The following TENM4 variants were observed in gnomAD, a reference collection of about 807,000 sequenced individuals.
TENM4 encodes the protein teneurin-4.
A neutral mutation model predicts 243.3 loss-of-function variants in TENM4; 82 were observed. The observed-to-expected ratio is 0.34, with a 90% CI of 0.28 to 0.40. TENM4 has a LOEUF of 0.40. Ranked by LOEUF, TENM4 falls within the 10% of genes least tolerant of loss-of-function variation. The pLI is 1.00. For synonymous variants in TENM4, 1,412 were observed against 1,456.3 expected (o/e 0.97, Z 0.69); for missense variants, 3,138 against 3,673.3 (o/e 0.85, Z 3.77).
intron 4 of TENM4, among the ~76,000 whole-genome samples, chr11:79,094,602 C>T (rs1482024690): frequency 2.0e-5 from 3 of 152,188 alleles, no homozygotes; most frequent in African/African-American, 4.8e-5. Context: ...ATTGTCCACA[C>T]AGGCCCAGAG....
intron 6 of TENM4, among the ~76,000 whole-genome samples, chr11:79,006,974 G>A (rs1019918210): frequency 2.0e-5 from 3 of 152,168 alleles, no homozygotes; most frequent in Non-Finnish European, 4.4e-5. Context: ...CATTCACTCA[G>A]TTGAAGGCCT....
intron 6 of TENM4, among the ~76,000 whole-genome samples, chr11:79,054,605 A>T (rs1171980395): frequency 6.6e-6 from 1 of 151,628 alleles, no homozygotes; most frequent in Non-Finnish European, 1.5e-5. Context: ...CCCCTACCTC[A>T]GTCTTCTGAG....
At chr11:78,899,726 G>A (rs1403079381) in intron 7 of TENM4, among the ~76,000 whole-genome samples, 1 of 152,092 alleles carries the variant, frequency 6.6e-6, no homozygotes. Flanking sequence ...TCCAGAGCTG[G>A]TTGTTAAAAA....
intron 18 of TENM4, among the ~76,000 whole-genome samples, chr11:78,764,506 TTGAA>T (rs1444486852): frequency 6.6e-6 from 1 of 152,210 alleles, no homozygotes; most frequent in East Asian, 1.9e-4. Context: ...ATCACAATGG[TTGAA>T]TGAATGAATA....
chr11:78,968,276 G>GC (rs1337186314), intron 6 of TENM4, among the ~76,000 whole-genome samples: 1 of 152,154 alleles, frequency 6.6e-6, no homozygotes, highest in African/African-American at 2.4e-5. Context: ...AGCACCATGA[G>GC]CCAAATAAAC....
intron 12 of TENM4, among the ~76,000 whole-genome samples, chr11:78,847,107 T>C (rs188810531): frequency 2.6e-5 from 4 of 152,262 alleles, no homozygotes; most frequent in Admixed American, 2.6e-4. Context: ...TTTATGACCA[T>C]GAGGTAGCAA....
intron 6 of TENM4, among the ~76,000 whole-genome samples, chr11:78,955,361 G>A (rs1250131682): frequency 6.6e-6 from 1 of 152,200 alleles, no homozygotes; most frequent in Non-Finnish European, 1.5e-5. Context: ...CCTTCCAGGT[G>A]CCTCTTCAAC....
At chr11:78,906,933 G>T (rs1336978832) in intron 6 of TENM4, among the ~76,000 whole-genome samples, 1 of 152,176 alleles carries the variant, frequency 6.6e-6, no homozygotes, top group African/African-American at 2.4e-5. Flanking sequence ...AGCAAGTGAG[G>T]TTCATGTGGG....
At chr11:78,925,492 G>A (rs1856533805) in intron 6 of TENM4, among the ~76,000 whole-genome samples, 1 of 152,122 alleles carries the variant, frequency 6.6e-6, no homozygotes, top group Non-Finnish European at 1.5e-5. Context: ...GGAAAATGCA[G>A]GAGAGCTGGA....
At chr11:79,262,893 G>A (rs1160320440) in intron 2 of TENM4, among the ~76,000 whole-genome samples, 1 of 152,204 alleles carries the variant, frequency 6.6e-6, no homozygotes, top group Non-Finnish European at 1.5e-5. Context: ...TAGAGGCAGT[G>A]CTTAATAAAT....
intron 7 of TENM4, among the ~76,000 whole-genome samples, chr11:78,891,968 A>C (rs1156589320): frequency 6.6e-6 from 1 of 152,160 alleles, no homozygotes; most frequent in Non-Finnish European, 1.5e-5. Context: ...GGATTCTGTC[A>C]GCAGGTTGGG....
intron 6 of TENM4, among the ~76,000 whole-genome samples, chr11:78,911,718 A>G (rs1856190257): frequency 1.3e-5 from 2 of 152,314 alleles, no homozygotes; most frequent in South Asian, 2.1e-4. Context: ...CCCTCTCACC[A>G]TGTGATGTCT....
intron 3 of TENM4, among the ~76,000 whole-genome samples, chr11:79,174,675 C>G (rs1863122655): frequency 6.6e-6 from 1 of 152,224 alleles, no homozygotes; most frequent in Non-Finnish European, 1.5e-5. Context: ...GTTAGGGTTT[C>G]TATTCTCCAG....
At chr11:78,871,075 C>T (rs1859114819) in intron 9 of TENM4, among the ~76,000 whole-genome samples, 1 of 152,172 alleles carries the variant, frequency 6.6e-6, no homozygotes, top group Non-Finnish European at 1.5e-5. Flanking sequence ...AGACCTCCCA[C>T]ATTGTGCTGG....
intron 6 of TENM4, among the ~76,000 whole-genome samples, chr11:79,001,647 G>T (rs1858332395): frequency 6.6e-6 from 1 of 152,220 alleles, no homozygotes; most frequent in Non-Finnish European, 1.5e-5. Context: ...TCCTTTAGGA[G>T]ATTTTAGCCT....
chr11:79,006,653 A>G (rs1858492453), intron 6 of TENM4, among the ~76,000 whole-genome samples: 1 of 152,230 alleles, frequency 6.6e-6, no homozygotes, highest in African/African-American at 2.4e-5. Flanking sequence ...TATATCCACC[A>G]AATTTAGATA....
intron 4 of TENM4, among the ~76,000 whole-genome samples, chr11:79,141,364 T>G (rs1047328343): frequency 6.6e-6 from 1 of 152,004 alleles, no homozygotes; most frequent in African/African-American, 2.4e-5. Context: ...TATGAGCAAC[T>G]GTATGCCAAT....
chr11:79,130,647 C>T (rs1310751727), intron 4 of TENM4, among the ~76,000 whole-genome samples: 1 of 152,102 alleles, frequency 6.6e-6, no homozygotes, highest in African/African-American at 2.4e-5. Flanking sequence ...CATGGTGAAA[C>T]ACCATCTCTA....
intron 6 of TENM4, among the ~76,000 whole-genome samples, chr11:78,913,197 T>A (rs1342334777): frequency 2.0e-5 from 3 of 152,230 alleles, no homozygotes; most frequent in African/African-American, 7.2e-5. Context: ...ATGTGATGGT[T>A]CTTCCCTTCC....
Sources: allele counts gnomAD v4.1 joint callset (sites outside exome capture counted in the v4.1 genomes callset), GRCh38; gene constraint gnomAD v4.1.1; transcripts MANE v1.5; gene names NCBI Gene and HGNC (gene_info 2026-07-23, HGNC 2026-07-21).